The following SLC16A10 variants were observed in gnomAD, a reference collection of about 807,000 sequenced individuals.
The protein encoded by SLC16A10 is monocarboxylate transporter 10.
In SLC16A10, 27 loss-of-function variants were observed where a neutral mutation model predicts 40.0. The observed-to-expected ratio is 0.67, with a 90% CI of 0.50 to 0.93. The LOEUF (loss-of-function observed/expected upper bound fraction) is 0.93, where lower values mean the gene tolerates loss of function less well. Among genes scored for constraint, SLC16A10 ranks in the 40% least tolerant of loss-of-function variants. The pLI, the probability that SLC16A10 is intolerant of heterozygous loss-of-function variation, is 0.00. For missense variants in SLC16A10, 529 were observed against 658.2 expected (o/e 0.80, Z 2.15); for synonymous variants, 213 against 249.8 (o/e 0.85, Z 1.39).
chr6:111,139,092 C>CTTT (rs755473638), intron 1 of SLC16A10, among the ~76,000 whole-genome samples: 1,241 of 118,896 alleles, frequency 0.01, 17 homozygotes, highest in African/African-American at 0.038. Context: ...TCTTCTTCTT[C>CTTT]TTTTTTTTTT....
At chr6:111,149,096 A>G (rs1370919810) in intron 1 of SLC16A10, among the ~76,000 whole-genome samples, 1 of 152,218 alleles carries the variant, frequency 6.6e-6, no homozygotes, top group East Asian at 1.9e-4. Context: ...AGATACTCTC[A>G]TTGATAAAGG....
At chr6:111,127,835 C>T (rs553222110) in intron 1 of SLC16A10, among the ~76,000 whole-genome samples, 197 of 152,274 alleles carry the variant, frequency 1.3e-3, no homozygotes, top group African/African-American at 4.6e-3. Context: ...TATTTCTAAA[C>T]ACTAGACACA....
At chr6:111,101,016 AT>A (rs1328684155) in intron 1 of SLC16A10, among the ~76,000 whole-genome samples, 9 of 124,902 alleles carry the variant, frequency 7.2e-5, no homozygotes, top group East Asian at 2.1e-4. Context: ...ATATATATAT[AT>A]AAATATATGT....
intron 5 of SLC16A10, among the ~76,000 whole-genome samples, chr6:111,221,021 G>A (rs949748230): frequency 6.6e-6 from 1 of 152,078 alleles, no homozygotes; most frequent in Non-Finnish European, 1.5e-5. Flanking sequence ...TATGCAGAAT[G>A]GATGTACACA....
intron 1 of SLC16A10, among the ~76,000 whole-genome samples, chr6:111,094,257 G>A (rs970497224): frequency 2.7e-5 from 4 of 150,726 alleles, no homozygotes; most frequent in Admixed American, 2.0e-4. Flanking sequence ...CACTGTCTTG[G>A]GGCTGTTATT....
intron 1 of SLC16A10, among the ~76,000 whole-genome samples, chr6:111,094,077 A>G (rs879575642): frequency 2.6e-5 from 4 of 152,210 alleles, no homozygotes; most frequent in Non-Finnish European, 5.9e-5. Context: ...AAAGAACCCA[A>G]TTAGCCAAAA....
At chr6:111,097,701 TA>T (rs964520155) in intron 1 of SLC16A10, among the ~76,000 whole-genome samples, 3 of 152,192 alleles carry the variant, frequency 2.0e-5, no homozygotes, top group African/African-American at 4.8e-5. Flanking sequence ...ATGTGTGCTT[TA>T]AAAAAATTAG....
At chr6:111,173,649 T>G (rs1772628070) in intron 2 of SLC16A10, 1 of 152,172 alleles carries the variant, frequency 6.6e-6, no homozygotes, top group Admixed American at 6.5e-5. Flanking sequence ...AACCCTATTG[T>G]GAACTGTACA....
chr6:111,149,323 AT>A (rs1162171648), intron 1 of SLC16A10, among the ~76,000 whole-genome samples: 1 of 152,180 alleles, frequency 6.6e-6, no homozygotes, highest in East Asian at 1.9e-4. Context: ...ATTCCCAGGA[AT>A]TTTGATAAGA....
rs886683477 is a variant in SLC16A10 at position 111,124,508 on chromosome 6, G to A, written c.343+36413G>A. ...TCCTGAAGTAGCTAGGACTACAGGCGTGCACCACCACACCCAGCTAATTTT... is the reference window on the plus strand; with the variant it reads ...TCCTGAAGTAGCTAGGACTACAGGCATGCACCACCACACCCAGCTAATTTT... On this transcript the variant is annotated intron_variant, in intron 1 of 5. Transcript: ENST00000368851. 3.6e-4 allele frequency among the ~76,000 whole-genome samples: 55 copies of A among 151,950 alleles called. 1 individual carries two copies. The highest frequency in any genetic ancestry group is 1.3e-4 in the Admixed American group (2 of 15,268).
intron 1 of SLC16A10, among the ~76,000 whole-genome samples, chr6:111,108,344 T>C (rs950511043): frequency 4.6e-5 from 7 of 152,172 alleles, no homozygotes; most frequent in Non-Finnish European, 1.0e-4. Context: ...GATTTGGCTT[T>C]ATCTGACTTC....
Position 111,223,966 on chromosome 6 carries a change from A to G in SLC16A10, c.*1731A>G, listed in dbSNP as rs1156298442. ...AATAAAAAAAAAAATTAGGCCAAGC[A>G]TAGTGGCTCATGCCTGTAATCCTAG... On this transcript the variant is annotated 3_prime_UTR_variant, in exon 6 of 6. Transcript: ENST00000368851. 2 of 152,280 alleles carry G rather than the reference A, an allele frequency of 1.3e-5. No homozygotes were observed. The highest frequency in any genetic ancestry group is 2.9e-5 in the Non-Finnish European group (2 of 68,120). 9.4% of individuals were successfully genotyped at this position (152,280 alleles called of 1,614,324 possible).
intron 3 of SLC16A10, among the ~76,000 whole-genome samples, chr6:111,198,512 C>G (rs1773116290): frequency 6.6e-6 from 1 of 152,140 alleles, no homozygotes; most frequent in South Asian, 2.1e-4. Context: ...TCACTACATA[C>G]CTAGGCTATA....
intron 1 of SLC16A10, among the ~76,000 whole-genome samples, chr6:111,095,863 C>T (rs958532194): frequency 1.3e-5 from 2 of 152,214 alleles, no homozygotes; most frequent in Non-Finnish European, 2.9e-5. Flanking sequence ...CATTAAACCT[C>T]TTTTTCTTTA....
intron 3 of SLC16A10, chr6:111,193,293 A>G: frequency 1.0e-6 from 1 of 985,568 alleles, no homozygotes; most frequent in Non-Finnish European, 1.2e-6. Context: ...TTTCCTTCAG[A>G]TCTCAACATC....
At chr6:111,211,535 C>G (rs1773346097) in intron 4 of SLC16A10, among the ~76,000 whole-genome samples, 1 of 152,228 alleles carries the variant, frequency 6.6e-6, no homozygotes, top group African/African-American at 2.4e-5. Context: ...TCGTTTGTGG[C>G]ACCCAGTAGC....
chr6:111,169,778 C>T (rs1370056798), intron 1 of SLC16A10, among the ~76,000 whole-genome samples: 1 of 152,120 alleles, frequency 6.6e-6, no homozygotes, highest in African/African-American at 2.4e-5. Context: ...AGACAAGAAG[C>T]TATATTTGAT....
intron 4 of SLC16A10, among the ~76,000 whole-genome samples, chr6:111,209,811 G>A (rs1773317510): frequency 6.6e-6 from 1 of 152,132 alleles, no homozygotes; most frequent in Admixed American, 6.6e-5. Context: ...TTTAGAATAG[G>A]GAGGCTATGA....
chr6:111,209,491 C>G (rs769724120), intron 4 of SLC16A10, among the ~76,000 whole-genome samples: 36 of 152,074 alleles, frequency 2.4e-4, no homozygotes, highest in Non-Finnish European at 4.3e-4. Context: ...TTTCACCCAA[C>G]CTACCTGCCC....
Sources: gnomAD v4.1 joint callset for allele counts (sites outside exome capture counted in the v4.1 genomes callset) on GRCh38, gnomAD v4.1.1 for gene constraint, MANE v1.5 for transcripts, NCBI Gene and HGNC (gene_info 2026-07-23, HGNC 2026-07-21) for gene names.